Variants in EPHA6 observed in about 807,000 individuals in gnomAD.
EPHA6 encodes the protein ephrin type-A receptor 6.
A neutral mutation model predicts 112.0 loss-of-function variants in EPHA6; 50 were observed. That is an observed-to-expected ratio of 0.45 (90% CI 0.36 to 0.56). EPHA6 has a LOEUF of 0.56. EPHA6 is among the 20% of genes least tolerant of loss of function. The pLI is 0.00. For synonymous variants in EPHA6, 529 were observed against 490.7 expected, an observed-to-expected ratio of 1.08 and a Z score of -1.03; for missense variants, 1,280 against 1,417.4, an observed-to-expected ratio of 0.90 and a Z score of 1.56.
intron 6 of EPHA6, among the ~76,000 whole-genome samples, chr3:97,444,415 GA>G (rs940381389): frequency 2.0e-5 from 3 of 151,962 alleles, no homozygotes; most frequent in Middle Eastern, 3.2e-3. Context: ...ATAGCAGAAG[GA>G]AAAACACCTG....
At chr3:96,990,509 G>T (rs1458547332) in intron 3 of EPHA6, among the ~76,000 whole-genome samples, 4 of 152,046 alleles carry the variant, frequency 2.6e-5, no homozygotes, top group South Asian at 4.1e-4. Flanking sequence ...TCAAAATCAG[G>T]TGTTTTTTTT....
At chr3:97,526,973 C>G (rs1450994957) in intron 10 of EPHA6, among the ~76,000 whole-genome samples, 1 of 152,092 alleles carries the variant, frequency 6.6e-6, no homozygotes, top group Non-Finnish European at 1.5e-5. Context: ...GGGACAGAGG[C>G]TGCAAGTCTG....
At chr3:97,439,596 G>A in intron 6 of EPHA6, 3 of 1,005,142 alleles carry the variant, frequency 3.0e-6, no homozygotes, top group Non-Finnish European at 3.6e-6. Context: ...TTGTCACAAT[G>A]GAGAATCCAA....
At chr3:96,981,432 T>C (rs1368344998) in intron 2 of EPHA6, among the ~76,000 whole-genome samples, 1 of 152,230 alleles carries the variant, frequency 6.6e-6, no homozygotes, top group East Asian at 1.9e-4. Flanking sequence ...CTTTTTGATG[T>C]GCTGCTAGAT....
rs115622301 is a variant in EPHA6, at chr3:97,132,712, T to C, written c.1115-93552T>C. The stretch of plus-strand genomic sequence containing the variant: ...TCTAATTACTTTACTCAATTGAGAA[T>C]ACAAAGCTGAACAAAGGGACAATTA... On this transcript the variant is annotated intron_variant, in intron 3 of 17. Coordinates refer to ENST00000389672, the MANE Select transcript of EPHA6 (RefSeq NM_001080448.3). Among the ~76,000 whole-genome samples the C allele has an allele frequency of 7.3e-3, 1,110 of 152,168 alleles. 11 individuals carry two copies. Among genetic ancestry groups the C allele is most frequent in the African/African-American group, 0.025 (1,058 of 41,562 alleles).
intron 4 of EPHA6, among the ~76,000 whole-genome samples, chr3:97,237,634 C>A (rs1246367140): frequency 5.3e-5 from 8 of 151,976 alleles, no homozygotes; most frequent in Admixed American, 6.6e-5. Context: ...ACAGAACATC[C>A]ATAATTGTTG....
At chr3:97,196,154 G>A (rs2077435817) in intron 3 of EPHA6, among the ~76,000 whole-genome samples, 1 of 150,316 alleles carries the variant, frequency 6.7e-6, no homozygotes, top group African/African-American at 2.4e-5. Flanking sequence ...GATCTCGTAG[G>A]CATTCTTCCT....
chr3:97,653,014 A>G (rs1400667590), intron 14 of EPHA6, among the ~76,000 whole-genome samples: 1 of 151,988 alleles, frequency 6.6e-6, no homozygotes, highest in Non-Finnish European at 1.5e-5. Flanking sequence ...ACACAAACTA[A>G]CTAGGTATAA....
intron 2 of EPHA6, among the ~76,000 whole-genome samples, chr3:96,969,375 C>G (rs2042235934): frequency 6.6e-6 from 1 of 151,840 alleles, no homozygotes; most frequent in Non-Finnish European, 1.5e-5. Context: ...ATTGGAATGG[C>G]CGATGATCGT....
At chr3:97,390,473 G>T (rs192130120) in intron 5 of EPHA6, among the ~76,000 whole-genome samples, 1 of 150,412 alleles carries the variant, frequency 6.6e-6, no homozygotes, top group Non-Finnish European at 1.5e-5. Flanking sequence ...ATATATATAC[G>T]CTGTGTGTAT....
chr3:97,421,258 T>C (rs995553548), intron 6 of EPHA6, among the ~76,000 whole-genome samples: 3 of 152,154 alleles, frequency 2.0e-5, no homozygotes, highest in African/African-American at 7.2e-5. Context: ...CCAGATGATA[T>C]GACTCTTTAC....
At chr3:97,377,837 G>C (rs2085459115) in intron 5 of EPHA6, among the ~76,000 whole-genome samples, 1 of 152,060 alleles carries the variant, frequency 6.6e-6, no homozygotes, top group Admixed American at 6.5e-5. Context: ...AAGCTTTCAA[G>C]AGGTGACTTG....
intron 11 of EPHA6, among the ~76,000 whole-genome samples, chr3:97,547,409 T>C (rs924406429): frequency 6.6e-6 from 1 of 152,166 alleles, no homozygotes; most frequent in Non-Finnish European, 1.5e-5. Context: ...TGCTGCTGCC[T>C]GATTGTTCCT....
intron 3 of EPHA6, among the ~76,000 whole-genome samples, chr3:97,085,163 G>A (rs532225354): frequency 2.0e-5 from 3 of 152,158 alleles, no homozygotes; most frequent in Non-Finnish European, 1.5e-5. Flanking sequence ...AAATAAAAAT[G>A]TTATAAGGAA....
chr3:97,663,484 C>T (rs1370138448), intron 14 of EPHA6, among the ~76,000 whole-genome samples: 2 of 130,260 alleles, frequency 1.5e-5, no homozygotes, highest in Admixed American at 1.6e-4. Context: ...TCGCTCCCCC[C>T]TCCCCCCACC....
chr3:97,398,104 G>C (rs770694808), intron 5 of EPHA6, among the ~76,000 whole-genome samples: 1 of 151,382 alleles, frequency 6.6e-6, no homozygotes, highest in Non-Finnish European at 1.5e-5. Context: ...ATTTTTCTCA[G>C]TAGTCATTCT....
intron 3 of EPHA6, among the ~76,000 whole-genome samples, chr3:96,998,083 T>C (rs1240560138): frequency 2.7e-5 from 4 of 148,146 alleles, no homozygotes; most frequent in African/African-American, 1.1e-4. Context: ...TAAGACTATA[T>C]TGAAGTCATA....
chr3:97,726,823 A>G (rs2107815733), intron 15 of EPHA6, among the ~76,000 whole-genome samples: 1 of 152,212 alleles, frequency 6.6e-6, no homozygotes, highest in South Asian at 2.1e-4. Context: ...AATGTAGTTA[A>G]CAGAAGAAAA....
chr3:96,831,249 T>G (rs903283421), intron 1 of EPHA6, among the ~76,000 whole-genome samples: 1 of 152,144 alleles, frequency 6.6e-6, no homozygotes, highest in Non-Finnish European at 1.5e-5. Flanking sequence ...TTGTCCTGTA[T>G]GTTTAAACTG....
Sources: gnomAD v4.1 joint callset for allele counts (sites outside exome capture counted in the v4.1 genomes callset) on GRCh38, gnomAD v4.1.1 for gene constraint, MANE v1.5 for transcripts, NCBI Gene and HGNC (gene_info 2026-07-23, HGNC 2026-07-21) for gene names.